The following NRG3 variants were observed in gnomAD, a reference collection of about 807,000 sequenced individuals.
NRG3 encodes pro-neuregulin-3, membrane-bound isoform.
Under a neutral mutation model 66.9 loss-of-function variants are expected in NRG3, and 31 were observed. The observed-to-expected ratio is 0.46, with a 90% CI of 0.35 to 0.63. NRG3 has a LOEUF of 0.63. Ranked by LOEUF, NRG3 falls within the 20% of genes least tolerant of loss-of-function variation. The probability of loss-of-function intolerance (pLI) is 0.00; values close to 1 mark genes in which losing one functional copy is unlikely to be tolerated. For synonymous variants in NRG3, 393 were observed against 359.4 expected, an observed-to-expected ratio of 1.09 and a Z score of -1.06; for missense variants, 910 against 878.9, an observed-to-expected ratio of 1.04 and a Z score of -0.45.
intron 1 of NRG3, among the ~76,000 whole-genome samples, chr10:82,070,288 T>A (rs576941845): frequency 1.3e-5 from 2 of 152,090 alleles, no homozygotes; most frequent in African/African-American, 4.8e-5. Flanking sequence ...AATGAGTCAA[T>A]TGAGTTCATG....
Position 82,090,795 on chromosome 10 carries a change from C to A in NRG3, c.823+214632C>A, listed in dbSNP as rs192247580. The stretch of plus-strand genomic sequence containing the variant: ...GAATCCGATAACATGGCAGAAATAA[C>A]GTTTGGTTTGGGACTAAAAACATCC... On this transcript the variant is annotated intron_variant, in intron 1 of 8. Transcript: ENST00000372141. Among the ~76,000 whole-genome samples, 11 of 152,228 alleles carry A rather than the reference C, an allele frequency of 7.2e-5. No individual in the cohort carries two copies. In the South Asian group the frequency reaches 2.3e-3, roughly 32 times the overall value.
At chr10:82,711,562 TGTGTGTGA>T (rs932168408) in intron 2 of NRG3, among the ~76,000 whole-genome samples, 2 of 151,342 alleles carry the variant, frequency 1.3e-5, no homozygotes, top group African/African-American at 2.4e-5. Flanking sequence ...TGTGTGTGTG[TGTGTGTGA>T]GATGGTGCAT....
intron 4 of NRG3, among the ~76,000 whole-genome samples, chr10:82,888,438 A>C (rs1391679963): frequency 6.6e-6 from 1 of 152,176 alleles, no homozygotes; most frequent in Non-Finnish European, 1.5e-5. Context: ...GTGAAGCTCC[A>C]AGGGAGAAAT....
intron 2 of NRG3, among the ~76,000 whole-genome samples, chr10:82,648,354 A>T (rs2133867080): frequency 6.6e-6 from 1 of 151,898 alleles, no homozygotes; most frequent in African/African-American, 2.4e-5. Flanking sequence ...GTTCTGTTCC[A>T]TTGATCTATA....
chr10:82,638,113 T>G (rs1168519676), intron 2 of NRG3, among the ~76,000 whole-genome samples: 12 of 152,074 alleles, frequency 7.9e-5, no homozygotes, highest in Admixed American at 6.6e-4. Flanking sequence ...AACTGTAAAA[T>G]GAAACTATAA....
intron 1 of NRG3, among the ~76,000 whole-genome samples, chr10:82,085,191 G>A (rs1192291490): frequency 6.6e-6 from 1 of 152,028 alleles, no homozygotes; most frequent in Admixed American, 6.6e-5. Context: ...ATTTCATAGG[G>A]CAAATCTCCA....
intron 1 of NRG3, among the ~76,000 whole-genome samples, chr10:82,241,751 A>G (rs528989440): frequency 6.6e-6 from 1 of 152,316 alleles, no homozygotes; most frequent in East Asian, 1.9e-4. Context: ...AGTGATTTAG[A>G]ATACAAGAAT....
Position 82,186,722 on chromosome 10 carries a change from C to T in NRG3, c.824-172017C>T, listed in dbSNP as rs909443962. On this transcript the variant is annotated intron_variant, in intron 1 of 8. Coordinates refer to ENST00000372141, the MANE Select transcript of NRG3 (RefSeq NM_001010848.4). ...ATCACGAGATTGATCCATATTTAGA[C>T]AAACATCTATGGGCTTACACACCGA... is the stretch of plus-strand genomic sequence containing the variant. Among the ~76,000 whole-genome samples, 3 of 152,148 alleles carry T rather than the reference C, an allele frequency of 2.0e-5. No individual in the cohort carries two copies. The South Asian group carries it at 6.2e-4, about 32-fold the overall frequency.
At chr10:82,015,074 T>C (rs1486249161) in intron 1 of NRG3, among the ~76,000 whole-genome samples, 1 of 152,164 alleles carries the variant, frequency 6.6e-6, no homozygotes, top group Non-Finnish European at 1.5e-5. Flanking sequence ...CAGAAGTTTT[T>C]CTTTTGTAGA....
chr10:82,188,662 C>CA (rs2073956091), intron 1 of NRG3, among the ~76,000 whole-genome samples: 1 of 151,884 alleles, frequency 6.6e-6, no homozygotes, highest in African/African-American at 2.4e-5. Context: ...AAACATCTCT[C>CA]AAAAAAAGAC....
chr10:82,911,829 G>T (rs1845348897), intron 4 of NRG3, among the ~76,000 whole-genome samples: 1 of 151,572 alleles, frequency 6.6e-6, no homozygotes, highest in South Asian at 2.1e-4. Flanking sequence ...TAGAAACTTA[G>T]ATTAATATTT....
chr10:82,104,042 G>A (rs1253687497), intron 1 of NRG3, among the ~76,000 whole-genome samples: 1 of 151,678 alleles, frequency 6.6e-6, no homozygotes, highest in Non-Finnish European at 1.5e-5. Context: ...TCAAAGTTGG[G>A]TGTTAAGGAA....
rs1395228991 is a variant in NRG3 at position 81,875,747 on chromosome 10, C to A, written c.407C>A (p.Ser136Tyr). The A allele has an allele frequency of 6.2e-7, 1 of 1,612,542 alleles. No individual in the cohort carries two copies. The highest frequency in any genetic ancestry group is 1.7e-5 in the Admixed American group (1 of 59,950). ...ETTTTTTSTT[S>Y]PATPSAGGAA... The stretch of plus-strand genomic sequence containing the variant: ...ACCACCACTACCACTTCCACCACGT[C>A]CCCCGCCACCCCCTCCGCCGGGGGT... The change falls in exon 1 of 9, where the codon TCC becomes TAC. Residue 136 changes from serine (S) to tyrosine (Y), a missense_variant. Coordinates refer to ENST00000372141, the MANE Select transcript of NRG3 (RefSeq NM_001010848.4). The surrounding 1 kb of genome is among the most constrained non-coding windows in gnomAD (Gnocchi z 5.3).
At chr10:82,182,260 G>T (rs1305804335) in intron 1 of NRG3, among the ~76,000 whole-genome samples, 3 of 151,560 alleles carry the variant, frequency 2.0e-5, no homozygotes, top group Admixed American at 6.6e-5. Context: ...TCTTGAAAAG[G>T]AAGGACTTCT....
At chr10:82,210,799 A>T (rs968911985) in intron 1 of NRG3, among the ~76,000 whole-genome samples, 2 of 152,138 alleles carry the variant, frequency 1.3e-5, no homozygotes, top group Non-Finnish European at 2.9e-5. Flanking sequence ...GAGCATATTT[A>T]TGCCTACTTA....
intron 4 of NRG3, among the ~76,000 whole-genome samples, chr10:82,929,229 G>A (rs959760760): frequency 6.6e-6 from 1 of 152,180 alleles, no homozygotes; most frequent in Admixed American, 6.5e-5. Context: ...AATGGTAGGG[G>A]TGGAGGAATG....
intron 1 of NRG3, among the ~76,000 whole-genome samples, chr10:82,162,787 A>C (rs1472834030): frequency 1.3e-5 from 2 of 152,128 alleles, no homozygotes; most frequent in African/African-American, 4.8e-5. Flanking sequence ...AATCAATTTA[A>C]CCCTTTTATA....
chr10:82,949,512 T>C (rs1179645232), intron 4 of NRG3, among the ~76,000 whole-genome samples: 4 of 152,120 alleles, frequency 2.6e-5, no homozygotes, highest in Non-Finnish European at 5.9e-5. Context: ...TATAATTGAA[T>C]AATGTTCTAA....
intron 6 of NRG3, among the ~76,000 whole-genome samples, chr10:82,962,851 C>CA (rs202158405): frequency 1.1e-4 from 16 of 151,252 alleles, no homozygotes; most frequent in East Asian, 5.8e-4. Flanking sequence ...AACAAACAAA[C>CA]AAAAAAAACA....
Sources: allele counts gnomAD v4.1 joint callset (sites outside exome capture counted in the v4.1 genomes callset), GRCh38; gene constraint gnomAD v4.1.1; non-coding constraint Gnocchi (gnomAD v3.1); transcripts MANE v1.5; gene names NCBI Gene and HGNC (gene_info 2026-07-23, HGNC 2026-07-21).